The following ADGRD1 variants were observed in gnomAD, a reference collection of about 807,000 sequenced individuals.
The protein encoded by ADGRD1 is G-protein coupled receptor 133.
ADGRD1 carries 77 observed loss-of-function variants against 113.4 expected under a neutral mutation model. That is an observed-to-expected ratio of 0.68 (90% CI 0.57 to 0.82). The LOEUF (loss-of-function observed/expected upper bound fraction) is 0.82, where lower values mean the gene tolerates loss of function less well. Among genes scored for constraint, ADGRD1 ranks in the 40% least tolerant of loss-of-function variants. ADGRD1 has a pLI of 0.00. For synonymous variants in ADGRD1, 474 were observed against 475.0 expected, an observed-to-expected ratio of 1.00 and a Z score of 0.03; for missense variants, 1,036 against 1,139.1, an observed-to-expected ratio of 0.91 and a Z score of 1.30.
At chr12:131,053,042 C>G (rs967918222) in intron 13 of ADGRD1, among the ~76,000 whole-genome samples, 1 of 152,236 alleles carries the variant, frequency 6.6e-6, no homozygotes, top group Admixed American at 6.5e-5. Flanking sequence ...TGAGCTCCCT[C>G]TGCCATACAG....
intron 13 of ADGRD1, among the ~76,000 whole-genome samples, chr12:131,074,199 G>T (rs941992652): frequency 7.9e-5 from 12 of 152,156 alleles, no homozygotes; most frequent in African/African-American, 2.9e-4. Flanking sequence ...GAAAGATCAT[G>T]ATGGTTGTTG....
intron 3 of ADGRD1, chr12:130,968,826 T>G: frequency 1.6e-6 from 1 of 607,026 alleles, no homozygotes; most frequent in Non-Finnish European, 2.9e-6. Flanking sequence ...TGGTGGAGGC[T>G]GGGGGATGTG....
Position 131,107,854 on chromosome 12 carries a change from G to A in ADGRD1, c.1888-870G>A, listed in dbSNP as rs375837318. On this transcript the variant is annotated intron_variant, in intron 17 of 24. Transcript: ENST00000261654. ...TCTCTGAGAACTAACTGCCTTGGGC[G>A]TATCTGAAGGACAGAACTTGGAGCG... 2.5e-3 allele frequency among the ~76,000 whole-genome samples: 379 copies of A among 152,322 alleles called. 4 individuals carry two copies. The highest frequency in any genetic ancestry group is 4.0e-3 in the Non-Finnish European group (275 of 68,028).
chr12:131,015,506 G>A lies in ADGRD1; in HGVS notation c.1473+1166G>A, dbSNP rs1220246476. Among the ~76,000 whole-genome samples the A allele has an allele frequency of 2.6e-5, 4 of 151,622 alleles. No individual in the cohort carries two copies. In the East Asian group the frequency reaches 7.7e-4, roughly 29 times the overall value. ...AAATGGAGATGGAGAGGGGACTGGA[G>A]ATGATGGAGATAGAGATGGAAATGG... On this transcript the variant is annotated intron_variant, in intron 13 of 24. Coordinates refer to ENST00000261654, the MANE Select transcript of ADGRD1 (RefSeq NM_198827.5).
intron 12 of ADGRD1, among the ~76,000 whole-genome samples, chr12:131,010,986 AG>A (rs1341014748): frequency 6.6e-6 from 1 of 152,072 alleles, no homozygotes; most frequent in Non-Finnish European, 1.5e-5. Context: ...GAGCACATGA[AG>A]GGAGAGAGCC....
chr12:131,129,312 G>T (rs1344307642), intron 20 of ADGRD1, among the ~76,000 whole-genome samples: 2 of 142,018 alleles, frequency 1.4e-5, no homozygotes, highest in African/African-American at 5.5e-5. Flanking sequence ...CCGCCCTGCT[G>T]TCTGGGTGTG....
chr12:130,980,048 T>G (rs1239628098), intron 4 of ADGRD1, among the ~76,000 whole-genome samples: 1 of 151,064 alleles, frequency 6.6e-6, no homozygotes, highest in Non-Finnish European at 1.5e-5. Flanking sequence ...TGGGTGTGAG[T>G]GCAGAACAGC....
At chr12:131,083,966 G>A (rs1220192952) in intron 14 of ADGRD1, among the ~76,000 whole-genome samples, 3 of 152,152 alleles carry the variant, frequency 2.0e-5, no homozygotes, top group Non-Finnish European at 2.9e-5. Flanking sequence ...TTGGCTCCAC[G>A]GGCCTTGCGT....
intron 13 of ADGRD1, among the ~76,000 whole-genome samples, chr12:131,052,642 G>GT (rs1320149677): frequency 3.1e-5 from 1 of 32,134 alleles, no homozygotes. Flanking sequence ...AGTGGTCTTT[G>GT]TGGGGGAGGA....
In ADGRD1 at chr12:131,003,379, C is replaced by G. The variant is rs1284135204; in HGVS notation, c.1144+77C>G. 6 of 982,774 alleles carry G rather than the reference C, an allele frequency of 6.1e-6. No homozygotes were observed. Among genetic ancestry groups the G allele is most frequent in the Non-Finnish European group, 9.7e-6 (6 of 617,614 alleles). 60.9% of individuals were successfully genotyped at this position (982,774 alleles called of 1,614,324 possible). ...CTGCGTTTCACTGCCTGTCTTTTTA[C>G]ACCCTTAGCAGAGAGCCATGCTCTG... On this transcript the variant is annotated intron_variant, in intron 10 of 24. Coordinates refer to ENST00000261654, the MANE Select transcript of ADGRD1 (RefSeq NM_198827.5). This position sits in a 1 kb window ranked among gnomAD's most constrained non-coding sequence, Gnocchi z 4.8.
chr12:131,088,381 C>A (rs1040234617), intron 15 of ADGRD1, among the ~76,000 whole-genome samples: 3 of 152,216 alleles, frequency 2.0e-5, no homozygotes, highest in African/African-American at 7.2e-5. Flanking sequence ...CCCGTAAGGG[C>A]CACGCGGGAG....
intron 7 of ADGRD1, 116 bp from the exon 8 acceptor site, chr12:130,992,120 CA>C (rs5801945): frequency 0.052 from 32,890 of 637,024 alleles, 41 homozygotes; most frequent in East Asian, 0.091. Flanking sequence ...GACTCAGTCT[CA>C]AAAAAAAAAA....
At chr12:131,103,076 C>T (rs1462218748) in intron 15 of ADGRD1, among the ~76,000 whole-genome samples, 2 of 152,236 alleles carry the variant, frequency 1.3e-5, no homozygotes, top group African/African-American at 2.4e-5. Context: ...CCACCTTTCC[C>T]GTGATAGCCA....
chr12:131,132,769 C>T (rs1454496042), intron 21 of ADGRD1, among the ~76,000 whole-genome samples: 1 of 152,164 alleles, frequency 6.6e-6, no homozygotes, highest in South Asian at 2.1e-4. Flanking sequence ...TCAGTTAGCA[C>T]CCCCAAACCA....
At chr12:130,990,954 T>A (rs375779602) in intron 6 of ADGRD1, 60 bp from the exon 7 acceptor site, 1 of 1,337,888 alleles carries the variant, frequency 7.5e-7, no homozygotes, top group Non-Finnish European at 1.1e-6. Flanking sequence ...AGGACAGGTC[T>A]TCCTCGTGGT....
intron 13 of ADGRD1, among the ~76,000 whole-genome samples, chr12:131,058,346 T>C (rs10773840): frequency 0.87 from 132,969 of 152,122 alleles, 58,633 homozygotes; most frequent in East Asian, 1. Flanking sequence ...GTCGGCTGCT[T>C]GGCCTAACAG....
chr12:131,135,124 A>G (rs1409759913), intron 21 of ADGRD1, among the ~76,000 whole-genome samples: 1 of 152,202 alleles, frequency 6.6e-6, no homozygotes. Flanking sequence ...CATGATTGAC[A>G]CAGCACATCA....
intron 2 of ADGRD1, among the ~76,000 whole-genome samples, chr12:130,958,872 C>T (rs1199758912): frequency 6.8e-6 from 1 of 147,348 alleles, no homozygotes; most frequent in Non-Finnish European, 1.5e-5. Flanking sequence ...ATCATCCTTG[C>T]GAGAGCCCTG....
Position 130,987,141 on chromosome 12 carries a change from C to T in ADGRD1, c.537C>T (p.Gly179=), listed in dbSNP as rs754768794. 5.6e-6 allele frequency: 9 copies of T among 1,613,754 alleles called. No individual in the cohort carries two copies. The highest frequency in any genetic ancestry group is 6.8e-6 in the Non-Finnish European group (8 of 1,179,632). ...HVLFTWKSKE[G]LKVYVNGTLS... ...TATTTACATGGAAATCCAAGGAGGG[C>T]CTGAAAGTCTACGTCAACGGGACCC... is the stretch of plus-strand genomic sequence containing the variant. The change falls in exon 6 of 25, where the codon GGC becomes GGT. Residue 179 remains glycine, a synonymous_variant. Transcript: ENST00000261654.
Sources: gnomAD v4.1 joint callset for allele counts (sites outside exome capture counted in the v4.1 genomes callset) on GRCh38, gnomAD v4.1.1 for gene constraint, Gnocchi (gnomAD v3.1) non-coding constraint, MANE v1.5 for transcripts, NCBI Gene and HGNC (gene_info 2026-07-23, HGNC 2026-07-21) for gene names.